PECAM1: variants seen among roughly 807,000 people sequenced by gnomAD.
PECAM1 encodes platelet endothelial cell adhesion molecule.
Under a neutral mutation model 13.8 loss-of-function variants are expected in PECAM1, and 8 were observed. The ratio of observed to expected loss-of-function variants is 0.58; its 90% CI spans 0.34 to 1.05. The LOEUF is 1.05. Ranked by LOEUF, PECAM1 falls within the 50% of genes least tolerant of loss-of-function variation. The pLI, the probability that PECAM1 is intolerant of heterozygous loss-of-function variation, is 0.03. For synonymous variants in PECAM1, 136 were observed against 52.6 expected, an observed-to-expected ratio of 2.58 and a Z score of -6.86; for missense variants, 304 against 141.2, an observed-to-expected ratio of 2.15 and a Z score of -5.84.
At chr17:64,343,366 C>T (rs1568013062) in intron 13 of PECAM1, among the ~76,000 whole-genome samples, 1 of 152,126 alleles carries the variant, frequency 6.6e-6, no homozygotes. Flanking sequence ...AACACACCCA[C>T]ACTCACTCTC....
intron 12 of PECAM1, among the ~76,000 whole-genome samples, chr17:64,348,565 G>A (rs2035638842): frequency 6.6e-6 from 1 of 151,860 alleles, no homozygotes; most frequent in African/African-American, 2.4e-5. Flanking sequence ...GCACCACCAT[G>A]CCCAGCTAAT....
chr17:64,328,009 C>T (rs1108591), intron 15 of PECAM1, among the ~76,000 whole-genome samples: 82,409 of 152,066 alleles, frequency 0.54, 24,076 homozygotes, highest in East Asian at 0.69. Flanking sequence ...CCTTTCCCAA[C>T]GGCTGGAAAC....
chr17:64,324,509 T>C (rs1366920580), intron 15 of PECAM1, among the ~76,000 whole-genome samples: 1 of 152,158 alleles, frequency 6.6e-6, no homozygotes, highest in Non-Finnish European at 1.5e-5. Flanking sequence ...CAGCACAGCG[T>C]CCCAAGGGTG....
intron 15 of PECAM1, among the ~76,000 whole-genome samples, chr17:64,325,600 G>A (rs149392197): frequency 1.3e-5 from 2 of 152,076 alleles, no homozygotes; most frequent in Non-Finnish European, 2.9e-5. Flanking sequence ...AGGCATACAT[G>A]GTGGTGTGCA....
chr17:64,364,410 T>C (rs7209607), intron 5 of PECAM1, among the ~76,000 whole-genome samples: 121,007 of 151,940 alleles, frequency 0.8, 54,319 homozygotes, highest in East Asian at 1. Context: ...GAGGAACTGG[T>C]ACCATTCCTT....
At chr17:64,375,623 C>A (rs1327135913) in intron 3 of PECAM1, among the ~76,000 whole-genome samples, 8 of 151,506 alleles carry the variant, frequency 5.3e-5, no homozygotes, top group African/African-American at 1.7e-4. Flanking sequence ...AGTTGGAGAC[C>A]AGCCTGGGCA....
chr17:64,378,218 G>T, intron 2 of PECAM1, 101 bp from the exon 3 acceptor site: 4 of 404,268 alleles, frequency 9.9e-6, no homozygotes, highest in Non-Finnish European at 1.8e-5. Flanking sequence ...CCCATCCTAT[G>T]CAGTATTGAG....
At chr17:64,371,525 A>C (rs2036236729) in intron 4 of PECAM1, among the ~76,000 whole-genome samples, 1 of 152,076 alleles carries the variant, frequency 6.6e-6, no homozygotes, top group Non-Finnish European at 1.5e-5. Flanking sequence ...CATATTATAA[A>C]ATATTTTTTA....
At chr17:64,326,152 G>A (rs1428627526) in intron 15 of PECAM1, among the ~76,000 whole-genome samples, 8 of 152,166 alleles carry the variant, frequency 5.3e-5, no homozygotes, top group African/African-American at 1.9e-4. Context: ...AGATACCAGA[G>A]TAGAGGGGGG....
intron 15 of PECAM1, among the ~76,000 whole-genome samples, chr17:64,329,424 G>A (rs1162518425): frequency 3.9e-5 from 6 of 152,256 alleles, no homozygotes; most frequent in African/African-American, 1.2e-4. Context: ...AGACTTTGGC[G>A]TTAAACGAAA....
At chr17:64,378,402 G>A (rs2036410953) in intron 2 of PECAM1, among the ~76,000 whole-genome samples, 1 of 152,186 alleles carries the variant, frequency 6.6e-6, no homozygotes, top group Non-Finnish European at 1.5e-5. Context: ...AGCACTTTGG[G>A]AGACCAAGGT....
intron 4 of PECAM1, chr17:64,370,272 A>G: frequency 3.0e-6 from 1 of 330,822 alleles, no homozygotes. Flanking sequence ...CCAAAGGCCA[A>G]ACACCTTCTC....
At chr17:64,334,861 A>G (rs1426918935) in intron 14 of PECAM1, among the ~76,000 whole-genome samples, 3 of 151,966 alleles carry the variant, frequency 2.0e-5, no homozygotes, top group Non-Finnish European at 4.4e-5. Context: ...TCTAATAAGC[A>G]CAGTGTTTCT....
At chr17:64,374,645 G>A (rs2036316705) in intron 4 of PECAM1, among the ~76,000 whole-genome samples, 1 of 151,794 alleles carries the variant, frequency 6.6e-6, no homozygotes, top group Non-Finnish European at 1.5e-5. Context: ...TTAGTCAGGT[G>A]TGGTGCTGCA....
At position 64,376,708 on chromosome 17, in the gene PECAM1, C is replaced by T. The variant is rs2036368069; in HGVS notation, c.385+1116G>A. Among the ~76,000 whole-genome samples the T allele has an allele frequency of 2.0e-5, 3 of 152,304 alleles. No individual in the cohort carries two copies. The East Asian group carries it at 5.8e-4, about 29-fold the overall frequency. On this transcript the variant is annotated intron_variant, in intron 3 of 15. Transcript: ENST00000563924. ...AATATTTGTGGACCGGGCATGGTGG[C>T]TCACACCTGTAATCCTGACACTCTG...
Position 64,375,261 on chromosome 17 carries a change from T to C in PECAM1, c.481A>G (p.Ile161Val), listed in dbSNP as rs928004779. Residue 161 changes from isoleucine to valine, a missense_variant, in exon 4 of 16, where the codon ATA becomes GTA. Transcript: ENST00000563924. ...NCSVPEEKAP[I>V]HFTIEKLELN... ...TCAAGTTTTTCAATTGTGAAGTGTATTGGGGCCTTTTCCTCTGGGACAGAA... is the reference window on the plus strand; with the variant it reads ...TCAAGTTTTTCAATTGTGAAGTGTACTGGGGCCTTTTCCTCTGGGACAGAA... 4.2e-6 allele frequency: 2 copies of C among 475,286 alleles called. No homozygotes were observed. The highest frequency in any genetic ancestry group is 7.7e-6 in the Non-Finnish European group (2 of 259,056). The allele number at this position is 475,286 out of a possible 1,614,324, so 29.4% of individuals were successfully genotyped here.
intron 3 of PECAM1, among the ~76,000 whole-genome samples, chr17:64,376,571 T>A (rs2036364390): frequency 6.6e-6 from 1 of 152,212 alleles, no homozygotes; most frequent in African/African-American, 2.4e-5. Context: ...ATGAGCCACA[T>A]TCATTGTTCA....
At position 64,323,100 on chromosome 17, in the gene PECAM1, T is replaced by A; in HGVS notation, c.*716A>T. On this transcript the variant is annotated 3_prime_UTR_variant, in exon 16 of 16. Coordinates refer to ENST00000563924, the MANE Select transcript of PECAM1 (RefSeq NM_000442.5). The stretch of plus-strand genomic sequence containing the variant: ...ATTTGCTGATGGCACCATCTTCCTG[T>A]CTTTCAGCCTTCAGCATGGTAGAGG... 1 of 984,362 alleles carries A rather than the reference T, an allele frequency of 1.0e-6. No homozygotes were observed. The highest frequency in any genetic ancestry group is 1.2e-6 in the Non-Finnish European group (1 of 828,906). 61.0% of individuals were successfully genotyped at this position (984,362 alleles called of 1,614,324 possible).
chr17:64,330,544 G>A lies in PECAM1; in HGVS notation c.2165-822C>T, dbSNP rs555604807. 7.3e-5 allele frequency among the ~76,000 whole-genome samples: 11 copies of A among 151,518 alleles called. No homozygotes were observed. The South Asian group carries it at 1.7e-3, about 23-fold the overall frequency. On this transcript the variant is annotated intron_variant, in intron 14 of 15. Coordinates refer to ENST00000563924, the MANE Select transcript of PECAM1 (RefSeq NM_000442.5). Reference sequence around the variant, plus strand: ...CCAGTTACTCGGGAGGCTGAGGCGGGAGAATCGCTTGAACCTAGGAGGCAG... The same window carrying A: ...CCAGTTACTCGGGAGGCTGAGGCGGAAGAATCGCTTGAACCTAGGAGGCAG...
Sources: gnomAD v4.1 joint callset for allele counts (sites outside exome capture counted in the v4.1 genomes callset) on GRCh38, gnomAD v4.1.1 for gene constraint, MANE v1.5 for transcripts, NCBI Gene and HGNC (gene_info 2026-07-23, HGNC 2026-07-21) for gene names.